DUOXA1: variants seen among roughly 807,000 people sequenced by gnomAD.
DUOXA1 encodes the protein dual oxidase activator 1.
Under a neutral mutation model 26.6 loss-of-function variants are expected in DUOXA1, and 19 were observed. The observed-to-expected ratio is 0.71, with a 90% CI of 0.50 to 1.05. The LOEUF (loss-of-function observed/expected upper bound fraction) is 1.05. Among genes scored for constraint, DUOXA1 ranks in the 50% least tolerant of loss-of-function variants. DUOXA1 has a pLI of 0.00. For missense variants in DUOXA1, 403 were observed against 427.5 expected (o/e 0.94, Z 0.51); for synonymous variants, 166 against 177.0 (o/e 0.94, Z 0.49).
chr15:45,125,886 C>G (rs917226450), intron 3 of DUOXA1, among the ~76,000 whole-genome samples: 4 of 152,172 alleles, frequency 2.6e-5, no homozygotes, highest in African/African-American at 9.7e-5. Context: ...TCAGGTAGTC[C>G]TCCTACCTGA....
intron 3 of DUOXA1, 151 bp downstream of exon 3, chr15:45,128,867 A>C (rs1258179232): frequency 6.6e-6 from 1 of 152,132 alleles, no homozygotes; most frequent in Non-Finnish European, 1.5e-5. Context: ...CTCCCACTTG[A>C]TCCGAACTTG....
chr15:45,120,073 C>A, intron 8 of DUOXA1, 30 bp downstream of exon 8: 1 of 1,612,546 alleles, frequency 6.2e-7, no homozygotes, highest in Non-Finnish European at 8.5e-7. Flanking sequence ...CTTGAGACTT[C>A]TAGTGCTTGT....
Position 45,117,707 on chromosome 15 carries a change from CCG to C in DUOXA1, c.*1397_*1398del. Reference sequence around the variant, plus strand: ...ATGCCCTCCTTTCTTTCGATCCCCACCGCCACAGGCGTCCTGTGCCTCTTCCT... The same window carrying C: ...ATGCCCTCCTTTCTTTCGATCCCCACCCACAGGCGTCCTGTGCCTCTTCCT... On this transcript the variant is annotated 3_prime_UTR_variant, in exon 9 of 9. Coordinates refer to ENST00000560572, the MANE Select transcript of DUOXA1 (RefSeq NM_001276266.2). The C allele has an allele frequency of 6.2e-7, 1 of 1,613,606 alleles. No individual in the cohort carries two copies. The highest frequency in any genetic ancestry group is 1.1e-5 in the South Asian group (1 of 91,050).
At position 45,127,466 on chromosome 15, in the gene DUOXA1, G is replaced by A. The variant is rs552115226; in HGVS notation, c.-30+1552C>T. Among the ~76,000 whole-genome samples the A allele has an allele frequency of 7.9e-4, 120 of 152,262 alleles. 1 individual carries two copies. The highest frequency in any genetic ancestry group is 1.5e-3 in the Non-Finnish European group (101 of 67,994). On this transcript the variant is annotated intron_variant, in intron 3 of 8. Transcript: ENST00000560572. ...AATGTCATATTTATTAAAGATGACA[G>A]AAGCAAAAAAACAGTTGGTAAATGA...
In DUOXA1 at chr15:45,119,154, C is replaced by T. The variant is rs1840278342; in HGVS notation, c.984G>A (p.Lys328=). The change falls in exon 9 of 9, where the codon AAG becomes AAA. Residue 328 remains lysine (K), a synonymous_variant. Transcript: ENST00000560572. Reference sequence around the variant, plus strand: ...TGGGGTGTGCCTCCTTACAGTATGCCTTGGTGGAGGAAGCCTCTGACAGGG... The same window carrying T: ...TGGGGTGTGCCTCCTTACAGTATGCTTTGGTGGAGGAAGCCTCTGACAGGG... ...DIPLSEASST[K]AYCKEAHPKD... is the part of the protein sequence containing the mutation. The T allele has an allele frequency of 6.2e-7, 1 of 1,609,572 alleles. No homozygotes were observed. Among genetic ancestry groups the T allele is most frequent in the Non-Finnish European group, 8.5e-7 (1 of 1,176,278 alleles).
intron 3 of DUOXA1, among the ~76,000 whole-genome samples, chr15:45,128,633 G>A (rs1223419785): frequency 1.3e-5 from 2 of 152,216 alleles, no homozygotes; most frequent in Non-Finnish European, 2.9e-5. Context: ...TAGGAGTTAA[G>A]TGGAGAAATT....
rs2141173964 is a variant in DUOXA1 at position 45,118,096 on chromosome 15, T to G, written c.*1010A>C. On this transcript the variant is annotated 3_prime_UTR_variant, in exon 9 of 9. Transcript: ENST00000560572. Reference sequence around the variant, plus strand: ...TGTAAATAAACCTTTTTTTCTTTTGTTTTTTAAAAACTGTTTTTCCCATTA... The same window carrying G: ...TGTAAATAAACCTTTTTTTCTTTTGGTTTTTAAAAACTGTTTTTCCCATTA... The G allele has an allele frequency of 6.6e-7, 1 of 1,509,170 alleles. No individual in the cohort carries two copies. The highest frequency in any genetic ancestry group is 1.3e-5 in the South Asian group (1 of 76,290). 93.5% of individuals were successfully genotyped at this position (1,509,170 alleles called of 1,614,324 possible).
chr15:45,119,029 G>C lies in DUOXA1; in HGVS notation c.*77C>G. The C allele has an allele frequency of 6.6e-7, 1 of 1,512,076 alleles. No individual in the cohort carries two copies. Among genetic ancestry groups the C allele is most frequent in the Non-Finnish European group, 8.9e-7 (1 of 1,128,830 alleles). The allele number at this position is 1,512,076 out of a possible 1,614,324, so 93.7% of individuals were successfully genotyped here. On this transcript the variant is annotated 3_prime_UTR_variant, in exon 9 of 9. Transcript: ENST00000560572. ...TCTGGTAACAGCCACCCTGAGGGCAGTTCTGCTGGTTTTATGGGGCGCCAA... is the reference window on the plus strand; with the variant it reads ...TCTGGTAACAGCCACCCTGAGGGCACTTCTGCTGGTTTTATGGGGCGCCAA...
At chr15:45,120,881 G>A in intron 6 of DUOXA1, 76 bp from the exon 7 acceptor site, 1 of 1,538,478 alleles carries the variant, frequency 6.5e-7, no homozygotes, top group East Asian at 2.3e-5. Flanking sequence ...CACCCACACT[G>A]GGCAGAGGGA....
chr15:45,123,063 A>G lies in DUOXA1; in HGVS notation c.-29-20T>C. 6.5e-7 allele frequency: 1 copy of G among 1,548,808 alleles called. No homozygotes were observed. The highest frequency in any genetic ancestry group is 8.7e-7 in the Non-Finnish European group (1 of 1,144,746). ...GCAATGCTGTACAACAACAATAGAC[A>G]TTTATTGCATGCCCTCAATGTACCT... On this transcript the variant is annotated intron_variant, in intron 3 of 8. Coordinates refer to ENST00000560572, the MANE Select transcript of DUOXA1 (RefSeq NM_001276266.2).
intron 3 of DUOXA1, among the ~76,000 whole-genome samples, chr15:45,123,591 G>A (rs1453377653): frequency 6.6e-6 from 1 of 152,192 alleles, no homozygotes; most frequent in Non-Finnish European, 1.5e-5. Flanking sequence ...TGCCCACACA[G>A]GTCTGTCCAG....
At chr15:45,122,421 T>C (rs575334264) in intron 4 of DUOXA1, among the ~76,000 whole-genome samples, 179 bp from the exon 5 acceptor site, 26 of 152,310 alleles carry the variant, frequency 1.7e-4, no homozygotes, top group Admixed American at 1.4e-3. Context: ...TATTTATTTA[T>C]TAGAGACAGG....
At position 45,129,739 on chromosome 15, in the gene DUOXA1, G is replaced by A. The variant is rs1418517046; in HGVS notation, c.-303+113C>T. The A allele has an allele frequency of 1.3e-5, 2 of 152,466 alleles. No homozygotes were observed. Among genetic ancestry groups the A allele is most frequent in the African/African-American group, 4.8e-5 (2 of 41,432 alleles). 9.4% of individuals were successfully genotyped at this position (152,466 alleles called of 1,614,324 possible). Reference sequence around the variant, plus strand: ...CCTCCCACCCTCTCCCCAGCCCCATGGGACTTGTGAAGGCGGACTTGCTTT... The same window carrying A: ...CCTCCCACCCTCTCCCCAGCCCCATAGGACTTGTGAAGGCGGACTTGCTTT... On this transcript the variant is annotated intron_variant, in intron 1 of 8. Transcript: ENST00000560572. The surrounding 1 kb of genome is among the most constrained non-coding windows in gnomAD (Gnocchi z 4.1).
chr15:45,118,136 T>G lies in DUOXA1; in HGVS notation c.*970A>C. ...TTTTCCCATTAATTTTCATGGCTTC[T>G]CCGCGCCGGGGTCGCACGTCCTCAT... On this transcript the variant is annotated 3_prime_UTR_variant, in exon 9 of 9. Transcript: ENST00000560572. 1 of 1,440,546 alleles carries G rather than the reference T, an allele frequency of 6.9e-7. No individual in the cohort carries two copies. The highest frequency in any genetic ancestry group is 9.1e-7 in the Non-Finnish European group (1 of 1,101,888). The allele number at this position is 1,440,546 out of a possible 1,614,324, so 89.2% of individuals were successfully genotyped here. A position where few individuals can be genotyped will look rare whatever the true frequency, so the allele number is the denominator to read the frequency against.
rs1427399438 is a variant in DUOXA1, at chr15:45,118,087, T to C, written c.*1019A>G. Reference sequence around the variant, plus strand: ...GGGGCGATCTGTAAATAAACCTTTTTTTCTTTTGTTTTTTAAAAACTGTTT... The same window carrying C: ...GGGGCGATCTGTAAATAAACCTTTTCTTCTTTTGTTTTTTAAAAACTGTTT... On this transcript the variant is annotated 3_prime_UTR_variant, in exon 9 of 9. Transcript: ENST00000560572. 4.6e-6 allele frequency: 7 copies of C among 1,514,378 alleles called. No individual in the cohort carries two copies. Among genetic ancestry groups the C allele is most frequent in the Non-Finnish European group, 5.3e-6 (6 of 1,133,768 alleles). 93.8% of individuals were successfully genotyped at this position (1,514,378 alleles called of 1,614,324 possible).
intron 5 of DUOXA1, 127 bp from the exon 6 acceptor site, chr15:45,121,348 A>C: frequency 7.2e-7 from 1 of 1,395,262 alleles, no homozygotes; most frequent in Non-Finnish European, 9.8e-7. Flanking sequence ...TTAACTAGCC[A>C]GGGTCTGGCT....
rs1377422452 is a variant in DUOXA1, at chr15:45,118,881, A to C, written c.*225T>G. 8.0e-7 allele frequency: 1 copy of C among 1,250,422 alleles called. No individual in the cohort carries two copies. Among genetic ancestry groups the C allele is most frequent in the Middle Eastern group, 3.1e-4 (1 of 3,254 alleles). The allele number at this position is 1,250,422 out of a possible 1,614,324, so 77.5% of individuals were successfully genotyped here. Reference sequence around the variant, plus strand: ...GCCCCTGCTTGGCCTTATCATGGCAACAGGCTTTATGGACAGGCCCAGCAT... The same window carrying C: ...GCCCCTGCTTGGCCTTATCATGGCACCAGGCTTTATGGACAGGCCCAGCAT... On this transcript the variant is annotated 3_prime_UTR_variant, in exon 9 of 9. Coordinates refer to ENST00000560572, the MANE Select transcript of DUOXA1 (RefSeq NM_001276266.2).
chr15:45,120,638 A>G lies in DUOXA1; in HGVS notation c.508T>C (p.Tyr170His), dbSNP rs1407922837. 3.7e-6 allele frequency: 6 copies of G among 1,614,158 alleles called. 1 individual carries two copies. The African/African-American group carries it at 6.7e-5, about 18-fold the overall frequency. Residue 170 changes from tyrosine to histidine, a missense_variant, in exon 7 of 9, where the codon TAC becomes CAC. By Grantham distance (83) the Tyr-to-His change is moderately conservative. Transcript: ENST00000560572. ...TGTCCCGCCAGGCGGTACTGGCGGT[A>G]TAGGCCACATGGGCTTCTTGGAGTG... ...KFTPRSPCGL[Y>H]RQYRLAGHYT... is the part of the protein sequence containing the mutation.
In DUOXA1 at chr15:45,117,864, G is replaced by A; in HGVS notation, c.*1242C>T. 5.6e-6 allele frequency: 9 copies of A among 1,613,678 alleles called. No individual in the cohort carries two copies. Among genetic ancestry groups the A allele is most frequent in the Non-Finnish European group, 7.6e-6 (9 of 1,180,036 alleles). ...TTATCCTCGGCGACCCACTGCACAA[G>A]CAGGCCGCTCTCCCAGACTTAAAAT... On this transcript the variant is annotated 3_prime_UTR_variant, in exon 9 of 9. Coordinates refer to ENST00000560572, the MANE Select transcript of DUOXA1 (RefSeq NM_001276266.2).
Sources: allele counts gnomAD v4.1 joint callset (sites outside exome capture counted in the v4.1 genomes callset), GRCh38; gene constraint gnomAD v4.1.1; non-coding constraint Gnocchi (gnomAD v3.1); transcripts MANE v1.5; gene names NCBI Gene and HGNC (gene_info 2026-07-23, HGNC 2026-07-21).